Variants in TRAF5 observed in about 807,000 individuals in gnomAD.
TRAF5 encodes the protein TNF receptor associated factor 5.
Under a neutral mutation model 64.5 loss-of-function variants are expected in TRAF5, and 48 were observed. The ratio of observed to expected loss-of-function variants is 0.74; its 90% CI spans 0.59 to 0.95. The LOEUF is 0.95. TRAF5 is among the 40% of genes least tolerant of loss of function. The pLI is 0.00. For synonymous variants in TRAF5, 206 were observed against 240.5 expected, an observed-to-expected ratio of 0.86 and a Z score of 1.33; for missense variants, 545 against 662.8, an observed-to-expected ratio of 0.82 and a Z score of 1.95.
At chr1:211,365,536 G>A in intron 8 of TRAF5, 68 bp downstream of exon 8, 5 of 1,283,292 alleles carry the variant, frequency 3.9e-6, no homozygotes, top group Non-Finnish European at 5.5e-6. Flanking sequence ...GCTCTATGCT[G>A]GTATTTTTCT....
intron 1 of TRAF5, among the ~76,000 whole-genome samples, chr1:211,331,902 G>A (rs1702166726): frequency 6.6e-6 from 1 of 152,184 alleles, no homozygotes; most frequent in African/African-American, 2.4e-5. Flanking sequence ...CCTGACCTCA[G>A]GTGATCTGCC....
At chr1:211,369,401 G>T in intron 8 of TRAF5, 51 bp from the exon 9 acceptor site, 2 of 1,459,412 alleles carry the variant, frequency 1.4e-6, no homozygotes, top group South Asian at 1.5e-5. Flanking sequence ...TTAACTATAT[G>T]CATGCAGTTA....
Position 211,361,079 on chromosome 1 carries a change from A to G in TRAF5, c.622-9A>G, listed in dbSNP as rs939437158. 6.2e-7 allele frequency: 1 copy of G among 1,613,790 alleles called. No homozygotes were observed. The highest frequency in any genetic ancestry group is 1.1e-5 in the South Asian group (1 of 91,076). On this transcript the variant is annotated splice_polypyrimidine_tract_variant and intron_variant, in intron 6 of 10. Transcript: ENST00000261464. ...GAATTTCTATAGCTTGTGACTATCC[A>G]TTTCGTAGGTAGATGAACACCTGGC...
At chr1:211,365,346 A>G (rs778220656) in intron 7 of TRAF5, 30 bp from the exon 8 acceptor site, 2 of 1,595,248 alleles carry the variant, frequency 1.3e-6, no homozygotes. Context: ...CCTCTCAGCA[A>G]CCTGACTTAT....
intron 4 of TRAF5, 90 bp downstream of exon 4, chr1:211,356,558 A>G: frequency 2.6e-6 from 3 of 1,155,478 alleles, no homozygotes; most frequent in Non-Finnish European, 3.9e-6. Context: ...TGAGCTAAGC[A>G]TGGTACAGGG....
chr1:211,368,592 G>C (rs1304238972), intron 8 of TRAF5, among the ~76,000 whole-genome samples: 1 of 152,202 alleles, frequency 6.6e-6, no homozygotes, highest in Non-Finnish European at 1.5e-5. Flanking sequence ...AACTAGTGCT[G>C]AAATGAGAAA....
intron 6 of TRAF5, 55 bp from the exon 7 acceptor site, chr1:211,361,033 T>TGCCAG (rs1703161437): frequency 6.4e-7 from 1 of 1,566,108 alleles, no homozygotes; most frequent in Non-Finnish European, 8.8e-7. Flanking sequence ...CCCTGATTGC[T>TGCCAG]GCAGTTGGAG....
intron 1 of TRAF5, among the ~76,000 whole-genome samples, chr1:211,340,512 C>A (rs1702419271): frequency 6.6e-6 from 1 of 152,136 alleles, no homozygotes; most frequent in African/African-American, 2.4e-5. Context: ...GAACTCCTGA[C>A]CTCAGGTGAT....
intron 4 of TRAF5, chr1:211,358,953 A>C (rs1194502051): frequency 6.6e-6 from 1 of 151,236 alleles, no homozygotes; most frequent in Non-Finnish European, 1.5e-5. Flanking sequence ...GAGAATATTT[A>C]AAATAAAATT....
At chr1:211,362,549 G>A (rs766050934) in intron 7 of TRAF5, among the ~76,000 whole-genome samples, 31 of 152,082 alleles carry the variant, frequency 2.0e-4, no homozygotes, top group Middle Eastern at 3.4e-3. Flanking sequence ...GTGTGGTGGT[G>A]CACGCCTGTA....
At chr1:211,341,427 G>A (rs1374584092) in intron 1 of TRAF5, among the ~76,000 whole-genome samples, 1 of 152,228 alleles carries the variant, frequency 6.6e-6, no homozygotes, top group African/African-American at 2.4e-5. Flanking sequence ...TGTGATTACA[G>A]TTTAGATCAT....
upstream of TRAF5, chr1:211,326,757 G>A: frequency 2.0e-6 from 2 of 984,734 alleles, no homozygotes; most frequent in Non-Finnish European, 2.4e-6. The surrounding 1 kb of genome is among the most constrained non-coding windows in gnomAD (Gnocchi z 5.0). Flanking sequence ...CCCTGCGCCC[G>A]CCCGCGCCCC....
intron 7 of TRAF5, among the ~76,000 whole-genome samples, chr1:211,364,413 G>A (rs1372670351): frequency 2.6e-5 from 4 of 152,180 alleles, no homozygotes; most frequent in Non-Finnish European, 4.4e-5. Context: ...GAGGCCAGGC[G>A]CTGTGGCTCA....
intron 3 of TRAF5, among the ~76,000 whole-genome samples, chr1:211,355,350 T>C (rs1474210333): frequency 6.6e-6 from 1 of 152,192 alleles, no homozygotes; most frequent in African/African-American, 2.4e-5. Context: ...TATTTCTTTT[T>C]TCTTTTTTTG....
chr1:211,340,884 C>T (rs1702430944), intron 1 of TRAF5, among the ~76,000 whole-genome samples: 1 of 152,218 alleles, frequency 6.6e-6, no homozygotes, highest in Non-Finnish European at 1.5e-5. Flanking sequence ...TGGTGTCCCA[C>T]CTTTATCTCT....
At chr1:211,341,461 C>T (rs1248058623) in intron 1 of TRAF5, among the ~76,000 whole-genome samples, 1 of 152,172 alleles carries the variant, frequency 6.6e-6, no homozygotes, top group African/African-American at 2.4e-5. Context: ...TATGCTTTCC[C>T]AGGCTGTATA....
chr1:211,356,833 C>G (rs1392065854), intron 4 of TRAF5: 1 of 177,022 alleles, frequency 5.6e-6, no homozygotes, highest in Non-Finnish European at 1.2e-5. Flanking sequence ...TACAGAAAGA[C>G]ACAATTGTGA....
At chr1:211,337,681 C>A (rs564671270) in intron 1 of TRAF5, among the ~76,000 whole-genome samples, 85 of 152,014 alleles carry the variant, frequency 5.6e-4, no homozygotes, top group African/African-American at 2.0e-3. Flanking sequence ...CTGACAGTGG[C>A]GAGGAGGAGA....
rs932002310 is a variant in TRAF5 at position 211,334,794 on chromosome 1, C to G, written c.-2+7905C>G. ...AGACACCAGCCAGGGGCCATCCTTG[C>G]GAGGAGAACTTTCTAGAGATAGCAG... On this transcript the variant is annotated intron_variant, in intron 1 of 10. Transcript: ENST00000261464. Among the ~76,000 whole-genome samples, 3 of 152,184 alleles carry G rather than the reference C, an allele frequency of 2.0e-5. No homozygotes were observed. In the South Asian group the frequency reaches 6.2e-4, roughly 32 times the overall value.
Sources: allele counts gnomAD v4.1 joint callset (sites outside exome capture counted in the v4.1 genomes callset), GRCh38; gene constraint gnomAD v4.1.1; non-coding constraint Gnocchi (gnomAD v3.1); transcripts MANE v1.5; gene names NCBI Gene and HGNC (gene_info 2026-07-23, HGNC 2026-07-21).